The following ZBBX variants were observed in gnomAD, a reference collection of about 807,000 sequenced individuals.
ZBBX encodes zinc finger B-box domain containing.
ZBBX carries 101 observed loss-of-function variants against 108.5 expected under a neutral mutation model. The ratio of observed to expected loss-of-function variants is 0.93; its 90% confidence interval spans 0.79 to 1.10. ZBBX has a LOEUF of 1.10. ZBBX is among the 50% of genes least tolerant of loss of function. ZBBX has a pLI of 0.00. For synonymous variants in ZBBX, 356 were observed against 323.4 expected (o/e 1.10, Z -1.08); for missense variants, 1,009 against 941.4 (o/e 1.07, Z -0.94).
intron 20 of ZBBX, among the ~76,000 whole-genome samples, chr3:167,265,433 T>C (rs1314755764): frequency 6.6e-6 from 1 of 152,206 alleles, no homozygotes; most frequent in Non-Finnish European, 1.5e-5. Flanking sequence ...CCTCTCCTAC[T>C]GTGGCTGAGC....
At chr3:167,297,454 A>G (rs1731870989) in intron 18 of ZBBX, among the ~76,000 whole-genome samples, 1 of 152,036 alleles carries the variant, frequency 6.6e-6, no homozygotes, top group Non-Finnish European at 1.5e-5. Context: ...GTATAGGCCC[A>G]GGACATTGGC....
intron 18 of ZBBX, among the ~76,000 whole-genome samples, chr3:167,291,073 A>G (rs1220738364): frequency 6.6e-6 from 1 of 152,150 alleles, no homozygotes; most frequent in African/African-American, 2.4e-5. Context: ...GACCAAATCT[A>G]CGTTTTATTG....
intron 9 of ZBBX, among the ~76,000 whole-genome samples, chr3:167,347,582 T>C (rs1200060555): frequency 6.6e-6 from 1 of 152,036 alleles, no homozygotes; most frequent in Non-Finnish European, 1.5e-5. Context: ...AGGGACAAAT[T>C]CGCTTTAAGA....
chr3:167,327,311 C>T (rs998671847), intron 11 of ZBBX, among the ~76,000 whole-genome samples: 1 of 151,768 alleles, frequency 6.6e-6, no homozygotes, highest in Admixed American at 6.6e-5. Context: ...TTATGTGTTA[C>T]AATTACTGCT....
chr3:167,328,868 C>A (rs1737883209), intron 10 of ZBBX, among the ~76,000 whole-genome samples: 1 of 152,208 alleles, frequency 6.6e-6, no homozygotes. Context: ...CCCTTTCCCC[C>A]ATTTAATAAT....
chr3:167,208,683 G>T, the ZBBX span, among the ~76,000 whole-genome samples: 1 of 152,304 alleles, frequency 6.6e-6, no homozygotes, highest in Non-Finnish European at 1.5e-5. Context: ...CTTCCCATAG[G>T]CTTAGATGAG....
At chr3:167,200,814 A>G in the ZBBX span, among the ~76,000 whole-genome samples, 1 of 152,162 alleles carries the variant, frequency 6.6e-6, no homozygotes, top group Non-Finnish European at 1.5e-5. Context: ...ATGTGCCATC[A>G]AAGTGTGCCA....
In ZBBX at chr3:167,406,915, AT is replaced by A. The variant is rs1179762222; in HGVS notation, c.-446+810del. On this transcript the variant is annotated intron_variant, in intron 1 of 21. Transcript: ENST00000455345. ...GTAGGATTTGGCATTTGAAAAAATA[AT>A]CTAACTTGAAAGATCAGTTTTATCC... Among the ~76,000 whole-genome samples, 3 of 152,228 alleles carry A rather than the reference AT, an allele frequency of 2.0e-5. No individual in the cohort carries two copies. In the East Asian group the frequency reaches 5.8e-4, roughly 29 times the overall value.
chr3:167,299,649 C>G (rs371233121), intron 17 of ZBBX, among the ~76,000 whole-genome samples: 1 of 152,102 alleles, frequency 6.6e-6, no homozygotes, highest in East Asian at 1.9e-4. Flanking sequence ...CAAATTAGTA[C>G]TTAATTCCGT....
Position 167,322,236 on chromosome 3 carries a change from G to T in ZBBX, c.864C>A (p.Asp288Glu), listed in dbSNP as rs767277414. The change falls in exon 12 of 22, where the codon GAC becomes GAA. Residue 288 changes from aspartate to glutamate, a missense_variant and splice_region_variant. By Grantham distance (45) the Asp-to-Glu change is conservative (BLOSUM62 2). Transcript: ENST00000675490. ...KKQNLHAAVK[D>E]SLEECEVQTN... ...TCTGTACTTCGCATTCTTCCAATGAGTCTGTAAAAATAAACACAATGTGCA... is the reference window on the plus strand; with the variant it reads ...TCTGTACTTCGCATTCTTCCAATGATTCTGTAAAAATAAACACAATGTGCA... 1.4e-6 allele frequency: 2 copies of T among 1,449,178 alleles called. No homozygotes were observed. The highest frequency in any genetic ancestry group is 2.7e-5 in the Admixed American group (1 of 36,980). The allele number at this position is 1,449,178 out of a possible 1,614,324, so 89.8% of individuals were successfully genotyped here. A position where few individuals can be genotyped will look rare whatever the true frequency, so the allele number is the denominator to read the frequency against.
chr3:167,285,871 G>A (rs528363262), intron 19 of ZBBX, among the ~76,000 whole-genome samples: 3 of 152,166 alleles, frequency 2.0e-5, no homozygotes, highest in Non-Finnish European at 4.4e-5. Flanking sequence ...CTTACAATAG[G>A]CCAGGCCCTG....
intron 8 of ZBBX, among the ~76,000 whole-genome samples, chr3:167,353,582 A>AG (rs1409931472): frequency 7.2e-5 from 11 of 152,060 alleles, no homozygotes; most frequent in African/African-American, 2.7e-4. Context: ...GGGTACTAAA[A>AG]GCCCAGACTT....
At chr3:167,274,814 A>C (rs948510940) in intron 20 of ZBBX, among the ~76,000 whole-genome samples, 12 of 152,292 alleles carry the variant, frequency 7.9e-5, no homozygotes, top group African/African-American at 2.9e-4. Context: ...CAGATTTTGC[A>C]GTCTGACCCC....
chr3:167,333,141 G>A (rs2108398736), intron 10 of ZBBX, among the ~76,000 whole-genome samples: 1 of 151,998 alleles, frequency 6.6e-6, no homozygotes, highest in Admixed American at 6.6e-5. Flanking sequence ...CATGGGTTTG[G>A]AACGCAACAG....
chr3:167,275,182 T>C (rs1407161939), intron 20 of ZBBX, among the ~76,000 whole-genome samples: 1 of 152,226 alleles, frequency 6.6e-6, no homozygotes, highest in Non-Finnish European at 1.5e-5. Context: ...TTTATCATGT[T>C]CCTTCAATCT....
chr3:167,387,637 G>A (rs995107994), intron 1 of ZBBX, among the ~76,000 whole-genome samples: 3 of 151,988 alleles, frequency 2.0e-5, no homozygotes, highest in Non-Finnish European at 4.4e-5. Context: ...CAAGAGACGT[G>A]GAGAAAGAGA....
intron 12 of ZBBX, 76 bp downstream of exon 12, chr3:167,322,041 A>G: frequency 1.2e-6 from 1 of 866,986 alleles, no homozygotes; most frequent in East Asian, 3.1e-5. Context: ...AAATTGCTAT[A>G]GGAAGGCATG....
chr3:167,366,690 A>G, intron 5 of ZBBX: 1 of 363,332 alleles, frequency 2.8e-6, no homozygotes, highest in Non-Finnish European at 5.4e-6. Context: ...GTGTGACCTC[A>G]GAAAACAATG....
At chr3:167,298,924 T>C (rs913153646) in intron 17 of ZBBX, among the ~76,000 whole-genome samples, 2 of 152,038 alleles carry the variant, frequency 1.3e-5, no homozygotes, top group African/African-American at 4.8e-5. Context: ...ACACTCATCA[T>C]GAAGCAAATA....
Sources: gnomAD v4.1 joint callset for allele counts (sites outside exome capture counted in the v4.1 genomes callset) on GRCh38, gnomAD v4.1.1 for gene constraint, MANE v1.5 for transcripts, NCBI Gene and HGNC (gene_info 2026-07-23, HGNC 2026-07-21) for gene names.